Variants in RAB38 observed in about 807,000 individuals in gnomAD.
RAB38 encodes the protein ras-related protein Rab-38.
In RAB38, 15 loss-of-function variants were observed where a neutral mutation model predicts 18.4. The observed-to-expected ratio is 0.82, with a 90% CI of 0.55 to 1.26. RAB38 has a LOEUF of 1.26. RAB38 is among the 50% of genes most tolerant of loss of function. RAB38 has a pLI of 0.00. For missense variants in RAB38, 294 were observed against 267.4 expected (o/e 1.10, Z -0.69); for synonymous variants, 101 against 104.4 (o/e 0.97, Z 0.20).
chr11:87,919,954 T>G, the RAB38 span, among the ~76,000 whole-genome samples: 1 of 151,998 alleles, frequency 6.6e-6, no homozygotes, highest in Non-Finnish European at 1.5e-5. Context: ...GTCTGACAAA[T>G]GTATTTCTGT....
intron 1 of RAB38, among the ~76,000 whole-genome samples, chr11:88,169,123 G>C (rs1453826838): frequency 6.6e-6 from 1 of 152,168 alleles, no homozygotes; most frequent in African/African-American, 2.4e-5. Context: ...GGAAAAGAGA[G>C]GCATATGTAC....
At chr11:87,974,752 A>G in the RAB38 span, among the ~76,000 whole-genome samples, 1 of 151,756 alleles carries the variant, frequency 6.6e-6, no homozygotes, top group Non-Finnish European at 1.5e-5. Flanking sequence ...ATACAGAGGG[A>G]TTATTATATA....
At chr11:87,883,298 G>C in the RAB38 span, among the ~76,000 whole-genome samples, 1 of 151,868 alleles carries the variant, frequency 6.6e-6, no homozygotes, top group South Asian at 2.1e-4. Context: ...CTTGATAAGG[G>C]AAATAGCAGA....
At chr11:87,918,681 G>A in the RAB38 span, among the ~76,000 whole-genome samples, 9 of 151,994 alleles carry the variant, frequency 5.9e-5, no homozygotes, top group African/African-American at 2.2e-4. Flanking sequence ...CACCTTTTAA[G>A]AAATGTCTAT....
chr11:88,005,524 T>C, the RAB38 span, among the ~76,000 whole-genome samples: 3 of 151,462 alleles, frequency 2.0e-5, no homozygotes. Context: ...TTTGTGAATA[T>C]ATTCACCTAT....
chr11:87,892,089 G>C, the RAB38 span, among the ~76,000 whole-genome samples: 3 of 151,946 alleles, frequency 2.0e-5, no homozygotes, highest in African/African-American at 7.2e-5. Context: ...TGAAGGAAAA[G>C]CAGTAGAAAT....
At chr11:87,967,479 A>G in the RAB38 span, among the ~76,000 whole-genome samples, 2 of 152,292 alleles carry the variant, frequency 1.3e-5, no homozygotes, top group South Asian at 4.1e-4. Flanking sequence ...CATGAAAGTA[A>G]AAAAACAAGA....
chr11:88,067,329 C>A, the RAB38 span, among the ~76,000 whole-genome samples: 1 of 147,700 alleles, frequency 6.8e-6, no homozygotes, highest in Non-Finnish European at 1.5e-5. Context: ...ATTTTTATCC[C>A]CTCTGCACCC....
intron 1 of RAB38, chr11:88,174,053 G>C: frequency 3.0e-6 from 3 of 985,424 alleles, no homozygotes; most frequent in Non-Finnish European, 2.4e-6. Context: ...TGGTGTCACA[G>C]ACCATGAAAT....
the RAB38 span, among the ~76,000 whole-genome samples, chr11:87,949,602 T>C: frequency 6.6e-6 from 1 of 152,218 alleles, no homozygotes; most frequent in East Asian, 1.9e-4. Flanking sequence ...TTTGTTCTCA[T>C]TGGTTTCAAA....
At chr11:88,156,368 C>T (rs761925800) in intron 1 of RAB38, among the ~76,000 whole-genome samples, 15 of 152,250 alleles carry the variant, frequency 9.9e-5, no homozygotes, top group South Asian at 2.1e-4. Flanking sequence ...AGACTGGGGG[C>T]CTATTTTCAG....
chr11:87,805,156 A>G, the RAB38 span, among the ~76,000 whole-genome samples: 1 of 152,322 alleles, frequency 6.6e-6, no homozygotes, highest in African/African-American at 2.4e-5. Flanking sequence ...AGTACAAAGA[A>G]GCATTGGTGT....
chr11:88,107,385 T>G, the RAB38 span, among the ~76,000 whole-genome samples: 2 of 152,274 alleles, frequency 1.3e-5, no homozygotes, highest in Non-Finnish European at 2.9e-5. Flanking sequence ...TACCATTTTT[T>G]ACCTAATAGC....
the RAB38 span, among the ~76,000 whole-genome samples, chr11:88,040,659 C>A: frequency 6.6e-6 from 1 of 152,102 alleles, no homozygotes; most frequent in African/African-American, 2.4e-5. Flanking sequence ...GCCGTGACTG[C>A]ACCACGGTAC....
chr11:87,895,997 T>C, the RAB38 span, among the ~76,000 whole-genome samples: 4 of 151,730 alleles, frequency 2.6e-5, no homozygotes, highest in African/African-American at 9.7e-5. Flanking sequence ...CTGCGTATTA[T>C]TCTGAATCAG....
intron 1 of RAB38, among the ~76,000 whole-genome samples, chr11:88,157,787 T>C (rs1026883669): frequency 6.6e-6 from 1 of 152,030 alleles, no homozygotes; most frequent in Non-Finnish European, 1.5e-5. Context: ...ATCTTTTAAA[T>C]AAACAAAAAC....
At chr11:87,805,789 G>T in the RAB38 span, among the ~76,000 whole-genome samples, 20 of 151,808 alleles carry the variant, frequency 1.3e-4, 1 homozygote, top group South Asian at 3.7e-3. Context: ...ATATACACAT[G>T]CAGGTTGGAA....
At chr11:87,823,474 G>T in the RAB38 span, among the ~76,000 whole-genome samples, 1 of 151,236 alleles carries the variant, frequency 6.6e-6, no homozygotes, top group Admixed American at 6.6e-5. Flanking sequence ...ATTTTTAAAA[G>T]AAAAAATTTC....
chr11:88,149,632 T>A (rs1683373440), intron 2 of RAB38, 43 bp downstream of exon 2: 1 of 1,555,002 alleles, frequency 6.4e-7, no homozygotes, highest in Non-Finnish European at 8.7e-7. Context: ...ATTTTCTTTG[T>A]GAACCTTGCT....
Sources: gnomAD v4.1 joint callset for allele counts (sites outside exome capture counted in the v4.1 genomes callset) on GRCh38, gnomAD v4.1.1 for gene constraint, MANE v1.5 for transcripts, NCBI Gene and HGNC (gene_info 2026-07-23, HGNC 2026-07-21) for gene names.